MAK: variants seen among roughly 807,000 people sequenced by gnomAD.
MAK encodes the protein male germ cell associated kinase.
A neutral mutation model predicts 82.6 loss-of-function variants in MAK; 65 were observed. The ratio of observed to expected loss-of-function variants is 0.79; its 90% CI spans 0.64 to 0.97. MAK has a LOEUF of 0.97. MAK is among the 50% of genes least tolerant of loss of function. The pLI, the probability that MAK is intolerant of heterozygous loss-of-function variation, is 0.00. For synonymous variants in MAK, 250 were observed against 274.2 expected, an observed-to-expected ratio of 0.91 and a Z score of 0.87; for missense variants, 703 against 780.2, an observed-to-expected ratio of 0.90 and a Z score of 1.18.
Position 10,765,440 on chromosome 6 carries a change from ATTTTTTTTTTTTTTTTT to A in MAK, c.1793-851_1793-835del, listed in dbSNP as rs200536068. Among the ~76,000 whole-genome samples the A allele has an allele frequency of 8.9e-3, 1,166 of 130,428 alleles. 12 individuals are homozygous for A. The highest frequency in any genetic ancestry group is 0.022 in the African/African-American group (669 of 30,028). 85.6% of individuals were successfully genotyped at this position (130,428 alleles called of 152,430 possible). A position where few individuals can be genotyped will look rare whatever the true frequency, so the allele number is the denominator to read the frequency against. On this transcript the variant is annotated intron_variant, in intron 14 of 14. Transcript: ENST00000354489. ...TTAAAATGTGGGTTTTAGAATGAAGATTTTTTTTTTTTTTTTTTTTTTTTTTTTTTTTTAATGAGGCA... is the reference window on the plus strand; with the variant it reads ...TTAAAATGTGGGTTTTAGAATGAAGATTTTTTTTTTTTTTTTAATGAGGCA...
intron 2 of MAK, among the ~76,000 whole-genome samples, chr6:10,821,846 T>G (rs993156520): frequency 2.2e-5 from 3 of 139,416 alleles, no homozygotes; most frequent in Non-Finnish European, 3.1e-5. Flanking sequence ...ACTTTGTCTC[T>G]TAAAAAAAAA....
chr6:10,767,715 G>A (rs931765905), intron 14 of MAK, among the ~76,000 whole-genome samples: 1 of 151,666 alleles, frequency 6.6e-6, no homozygotes, highest in Non-Finnish European at 1.5e-5. Flanking sequence ...CTTGAACCCG[G>A]GTGGCAGAGG....
intron 10 of MAK, 102 bp from the exon 11 acceptor site, chr6:10,784,674 T>G: frequency 9.5e-7 from 1 of 1,048,552 alleles, no homozygotes; most frequent in Non-Finnish European, 1.5e-6. Flanking sequence ...CCTAAGCCAG[T>G]CAATCTGACC....
At chr6:10,777,858 G>A (rs916107752) in intron 11 of MAK, among the ~76,000 whole-genome samples, 2 of 152,024 alleles carry the variant, frequency 1.3e-5, no homozygotes, top group Non-Finnish European at 2.9e-5. Flanking sequence ...GGCTAGTCTC[G>A]GACTCCCAAC....
chr6:10,812,643 A>G (rs1777034688), intron 5 of MAK, among the ~76,000 whole-genome samples: 3 of 152,056 alleles, frequency 2.0e-5, no homozygotes, highest in Admixed American at 6.6e-5. Flanking sequence ...CATTTCCACG[A>G]TAAAATTAGG....
At chr6:10,784,365 C>T in intron 11 of MAK, 59 bp downstream of exon 11, 1 of 1,588,608 alleles carries the variant, frequency 6.3e-7, no homozygotes. Flanking sequence ...TTCCAAGACA[C>T]TTGAACCTGA....
At position 10,764,511 on chromosome 6, in the gene MAK, G is replaced by C. The variant is rs747349238; in HGVS notation, c.1888C>G (p.Pro630Ala). Residue 630 changes from proline to alanine, a missense_variant, in exon 15 of 15, where the codon CCC becomes GCC. Physicochemically the swap from Pro to Ala is conservative, Grantham distance 27. Transcript: ENST00000354489. ...GTCCTCCCATGCACTGAGGGAATGG[G>C]CTGTGCACGGTTCACAATATTTAGG... ...KNLNIVNRAQ[P>A]IPSVHGRTDW... 3.7e-6 allele frequency: 6 copies of C among 1,613,564 alleles called. No individual in the cohort carries two copies. Among genetic ancestry groups the C allele is most frequent in the Non-Finnish European group, 1.7e-6 (2 of 1,179,662 alleles).
intron 10 of MAK, chr6:10,784,824 G>A (rs867489527): frequency 4.8e-6 from 3 of 628,374 alleles, no homozygotes; most frequent in South Asian, 1.5e-5. Context: ...ATTTACTTGT[G>A]TGTAACATGT....
intron 9 of MAK, among the ~76,000 whole-genome samples, chr6:10,795,364 C>T (rs1282031366): frequency 1.3e-5 from 2 of 152,122 alleles, no homozygotes; most frequent in African/African-American, 4.8e-5. Context: ...ACTGCTTGAA[C>T]CTGGGAGGTG....
chr6:10,819,998 G>C (rs1033803087), intron 2 of MAK, among the ~76,000 whole-genome samples: 6 of 151,910 alleles, frequency 3.9e-5, no homozygotes, highest in Non-Finnish European at 8.8e-5. Context: ...TGTAGTCCCA[G>C]CTACTTGGGT....
At chr6:10,812,125 AG>A (rs1403509718) in intron 5 of MAK, among the ~76,000 whole-genome samples, 1 of 152,170 alleles carries the variant, frequency 6.6e-6, no homozygotes, top group African/African-American at 2.4e-5. Context: ...ACCTGAGCCC[AG>A]GAAGTGGAGG....
intron 9 of MAK, among the ~76,000 whole-genome samples, chr6:10,795,335 A>C (rs750612479): frequency 8.5e-4 from 130 of 152,122 alleles, no homozygotes; most frequent in Non-Finnish European, 1.5e-3. Context: ...CCAGCCACTC[A>C]GGAAGCTGAG....
At chr6:10,787,115 A>C (rs545440400) in intron 10 of MAK, among the ~76,000 whole-genome samples, 77 of 149,046 alleles carry the variant, frequency 5.2e-4, no homozygotes, top group African/African-American at 1.5e-3. Context: ...CACTCCGCTA[A>C]TGCACCAGTT....
intron 12 of MAK, among the ~76,000 whole-genome samples, chr6:10,774,427 G>T (rs1288048047): frequency 6.6e-6 from 1 of 152,114 alleles, no homozygotes; most frequent in Non-Finnish European, 1.5e-5. Flanking sequence ...TGGAATCACA[G>T]CATCAGGGCT....
chr6:10,795,965 A>G (rs760465315), intron 9 of MAK, 33 bp downstream of exon 9: 10 of 1,602,704 alleles, frequency 6.2e-6, no homozygotes, highest in Non-Finnish European at 8.5e-6. Context: ...GAGTCAAACT[A>G]TTTCATTGCA....
Position 10,817,895 on chromosome 6 carries a change from A to G in MAK, c.233T>C (p.Ile78Thr). 7.0e-7 allele frequency: 1 copy of G among 1,437,840 alleles called. No individual in the cohort carries two copies. The highest frequency in any genetic ancestry group is 1.8e-4 in the Middle Eastern group (1 of 5,464). 89.1% of individuals were successfully genotyped at this position (1,437,840 alleles called of 1,614,324 possible). A position where few individuals can be genotyped will look rare whatever the true frequency, so the allele number is the denominator to read the frequency against. ...VIRENDHLYF[I>T]FEYMKENLYQ... is the part of the protein sequence containing the mutation. Reference sequence around the variant, plus strand: ...GAGGTTTTCTTTCATATATTCAAATATAAAATAAAGATGGTCATTTTCTCT... The same window carrying G: ...GAGGTTTTCTTTCATATATTCAAATGTAAAATAAAGATGGTCATTTTCTCT... Residue 78 changes from isoleucine to threonine, a missense_variant, in exon 4 of 15, where the codon ATA (isoleucine) becomes ACA (threonine). Transcript: ENST00000354489.
chr6:10,774,507 T>C (rs767902692), intron 12 of MAK, among the ~76,000 whole-genome samples: 8 of 152,162 alleles, frequency 5.3e-5, no homozygotes, highest in Non-Finnish European at 1.0e-4. Context: ...CTAATACAAA[T>C]AGATAGTTGG....
chr6:10,810,907 G>A (rs556306792), intron 5 of MAK, among the ~76,000 whole-genome samples: 138 of 152,286 alleles, frequency 9.1e-4, no homozygotes, highest in African/African-American at 2.9e-3. Flanking sequence ...TATTTGTACA[G>A]CTGAGGTTTT....
At chr6:10,822,074 G>A (rs1383470185) in intron 2 of MAK, among the ~76,000 whole-genome samples, 1 of 148,810 alleles carries the variant, frequency 6.7e-6, no homozygotes, top group Non-Finnish European at 1.5e-5. Flanking sequence ...GTGAACTCGG[G>A]AGGCAGAGCT....
Sources: gnomAD v4.1 joint callset for allele counts (sites outside exome capture counted in the v4.1 genomes callset) on GRCh38, gnomAD v4.1.1 for gene constraint, MANE v1.5 for transcripts, NCBI Gene and HGNC (gene_info 2026-07-23, HGNC 2026-07-21) for gene names.